The following RBFOX1 variants were observed in gnomAD, a reference collection of about 807,000 sequenced individuals.
RBFOX1 encodes RNA binding fox-1 homolog 1.
RBFOX1 carries 8 observed loss-of-function variants against 57.7 expected under a neutral mutation model. The ratio of observed to expected loss-of-function variants is 0.14; its 90% CI spans 0.08 to 0.25. RBFOX1 has a LOEUF of 0.25. Among genes scored for constraint, RBFOX1 ranks in the 10% least tolerant of loss-of-function variants. The pLI, the probability that RBFOX1 is intolerant of heterozygous loss-of-function variation, is 1.00. For missense variants in RBFOX1, 611 were observed against 548.5 expected (o/e 1.11, Z -1.14); for synonymous variants, 326 against 222.4 (o/e 1.47, Z -4.15).
chr16:7,078,691 A>ATT (rs368105173), intron 4 of RBFOX1, among the ~76,000 whole-genome samples: 1 of 142,828 alleles, frequency 7.0e-6, no homozygotes, highest in African/African-American at 2.6e-5. Context: ...ATTTTATTTT[A>ATT]TTTTTTTTTG....
At chr16:6,034,781 T>G (rs1226696181) in intron 1 of RBFOX1, among the ~76,000 whole-genome samples, 1 of 152,126 alleles carries the variant, frequency 6.6e-6, no homozygotes, top group South Asian at 2.1e-4. Flanking sequence ...TTCACATCTT[T>G]GTCCTCATAA....
chr16:6,645,998 G>A (rs1429020166), intron 2 of RBFOX1, among the ~76,000 whole-genome samples: 8 of 152,106 alleles, frequency 5.3e-5, no homozygotes, highest in African/African-American at 9.7e-5. Flanking sequence ...GTGAGCCTCC[G>A]CTGTTCAGGG....
At chr16:6,194,230 C>T (rs1411476101) in intron 1 of RBFOX1, among the ~76,000 whole-genome samples, 1 of 152,152 alleles carries the variant, frequency 6.6e-6, no homozygotes, top group East Asian at 1.9e-4. Flanking sequence ...TGCATTACCT[C>T]CTGAAGAGCC....
At chr16:6,972,134 T>G (rs1414233698) in intron 3 of RBFOX1, among the ~76,000 whole-genome samples, 1 of 152,186 alleles carries the variant, frequency 6.6e-6, no homozygotes, top group East Asian at 1.9e-4. Flanking sequence ...TCTTAACCAT[T>G]TGTAAGAATA....
intron 10 of RBFOX1, among the ~76,000 whole-genome samples, chr16:7,619,380 C>A (rs1156438753): frequency 1.3e-5 from 2 of 152,002 alleles, no homozygotes; most frequent in East Asian, 3.9e-4. Context: ...GCAGTGTGTG[C>A]GAGTATGTGT....
intron 2 of RBFOX1, among the ~76,000 whole-genome samples, chr16:5,565,741 C>G (rs2046044948): frequency 6.6e-6 from 1 of 151,982 alleles, no homozygotes; most frequent in South Asian, 2.1e-4. Flanking sequence ...CTGGAATCTC[C>G]TCTGTAGCCA....
intron 4 of RBFOX1, among the ~76,000 whole-genome samples, chr16:7,507,315 A>G (rs543901963): frequency 3.0e-4 from 46 of 152,098 alleles, no homozygotes; most frequent in Non-Finnish European, 5.6e-4. Context: ...TAACTATTTT[A>G]TTCTTCTCTC....
At chr16:7,040,102 C>A (rs1698247613) in intron 3 of RBFOX1, among the ~76,000 whole-genome samples, 1 of 151,964 alleles carries the variant, frequency 6.6e-6, no homozygotes, top group African/African-American at 2.4e-5. Context: ...CTCACTGCAA[C>A]CTCTGCCTCC....
At chr16:6,943,577 G>A (rs543187463) in intron 3 of RBFOX1, among the ~76,000 whole-genome samples, 4 of 152,022 alleles carry the variant, frequency 2.6e-5, no homozygotes, top group East Asian at 1.9e-4. Context: ...GCGCGGTGGC[G>A]GGTGCCTGTA....
chr16:6,078,416 T>A (rs1046419333), intron 1 of RBFOX1, among the ~76,000 whole-genome samples: 1 of 152,148 alleles, frequency 6.6e-6, no homozygotes, highest in Non-Finnish European at 1.5e-5. Context: ...GGGGATTTTT[T>A]TTTTTAGCTC....
intron 3 of RBFOX1, among the ~76,000 whole-genome samples, chr16:5,656,685 G>C (rs1191779330): frequency 1.3e-5 from 2 of 152,178 alleles, no homozygotes; most frequent in African/African-American, 4.8e-5. Context: ...AGGATTCTTA[G>C]AAATAGTCTT....
chr16:6,885,911 A>G (rs567202000), intron 3 of RBFOX1, among the ~76,000 whole-genome samples: 1 of 152,314 alleles, frequency 6.6e-6, no homozygotes, highest in Non-Finnish European at 1.5e-5. Flanking sequence ...ATGAACGTTG[A>G]CTTTATTAAC....
intron 1 of RBFOX1, among the ~76,000 whole-genome samples, chr16:6,115,081 G>A (rs746458356): frequency 1.3e-5 from 2 of 151,774 alleles, no homozygotes; most frequent in African/African-American, 2.4e-5. Flanking sequence ...GATTGCCATG[G>A]CATTTGTAAA....
At chr16:6,148,155 C>A (rs1224785532) in intron 1 of RBFOX1, among the ~76,000 whole-genome samples, 2 of 152,162 alleles carry the variant, frequency 1.3e-5, no homozygotes, top group Non-Finnish European at 1.5e-5. Context: ...ATGGTGAAAC[C>A]CGTCTCTACT....
chr16:5,914,065 C>T (rs1223589388), intron 4 of RBFOX1, among the ~76,000 whole-genome samples: 1 of 152,124 alleles, frequency 6.6e-6, no homozygotes, highest in Non-Finnish European at 1.5e-5. Flanking sequence ...AGGCATTAAC[C>T]CACAACTTTC....
Position 6,653,970 on chromosome 16 carries a change from C to CGGAT in RBFOX1, c.-63-600_-63-597dup, listed in dbSNP as rs1158998142. Reference sequence around the variant, plus strand: ...GGTGGATGAAGGATGGATGGTTGGACGGATGGATGGATGGATGGATGGATG... The same window carrying CGGAT: ...GGTGGATGAAGGATGGATGGTTGGACGGATGGATGGATGGATGGATGGATGGATG... On this transcript the variant is annotated intron_variant, in intron 2 of 15. Coordinates refer to ENST00000550418, the MANE Select transcript of RBFOX1 (RefSeq NM_018723.4). 4.3e-3 allele frequency among the ~76,000 whole-genome samples: 327 copies of CGGAT among 75,394 alleles called. 1 individual carries two copies. In the Middle Eastern group the frequency reaches 0.058, roughly 13 times the overall value. The allele number at this position is 75,394 out of a possible 152,430, so 49.5% of individuals were successfully genotyped here.
chr16:7,055,303 A>G (rs1462703066), intron 4 of RBFOX1, among the ~76,000 whole-genome samples: 1 of 152,166 alleles, frequency 6.6e-6, no homozygotes, highest in African/African-American at 2.4e-5. Flanking sequence ...ATCAGTTAAG[A>G]TGCTATTATC....
intron 3 of RBFOX1, among the ~76,000 whole-genome samples, chr16:5,702,858 C>A (rs572092582): frequency 6.6e-6 from 1 of 152,210 alleles, no homozygotes; most frequent in South Asian, 2.1e-4. Context: ...CCCTCTATGC[C>A]CATATGAAAG....
At chr16:6,960,235 A>G (rs2082676538) in intron 3 of RBFOX1, among the ~76,000 whole-genome samples, 1 of 152,174 alleles carries the variant, frequency 6.6e-6, no homozygotes, top group African/African-American at 2.4e-5. Flanking sequence ...ACCCATTTAG[A>G]TTAAGTAAAT....
Sources: gnomAD v4.1 joint callset for allele counts (sites outside exome capture counted in the v4.1 genomes callset) on GRCh38, gnomAD v4.1.1 for gene constraint, MANE v1.5 for transcripts, NCBI Gene and HGNC (gene_info 2026-07-23, HGNC 2026-07-21) for gene names.